RSPRY1: variants seen among roughly 807,000 people sequenced by gnomAD.
The protein encoded by RSPRY1 is ring finger and SPRY domain containing 1.
A neutral mutation model predicts 73.1 loss-of-function variants in RSPRY1; 23 were observed. The observed-to-expected ratio is 0.31, with a 90% CI of 0.23 to 0.45. RSPRY1 has a LOEUF of 0.45. Ranked by LOEUF, RSPRY1 falls within the 20% of genes least tolerant of loss-of-function variation. The pLI is 1.00. For synonymous variants in RSPRY1, 226 were observed against 251.4 expected (o/e 0.90, Z 0.95); for missense variants, 448 against 698.7 (o/e 0.64, Z 4.05).
At chr16:57,214,523 A>C (rs965042386) in intron 6 of RSPRY1, among the ~76,000 whole-genome samples, 3 of 152,184 alleles carry the variant, frequency 2.0e-5, no homozygotes, top group Admixed American at 6.5e-5. Flanking sequence ...GCCCTTTTCA[A>C]AACTCTGGTC....
chr16:57,207,702 T>C (rs2074753441), intron 2 of RSPRY1: 2 of 466,426 alleles, frequency 4.3e-6, no homozygotes, highest in Non-Finnish European at 4.3e-6. Flanking sequence ...ATGAAGGTGA[T>C]GTTGACCTTC....
intron 10 of RSPRY1, among the ~76,000 whole-genome samples, chr16:57,226,446 C>T (rs2075122802): frequency 6.6e-6 from 1 of 152,122 alleles, no homozygotes; most frequent in South Asian, 2.1e-4. Context: ...AGTTATTTCT[C>T]GATTATATGC....
At chr16:57,187,387 G>T (rs1390268132) in intron 1 of RSPRY1, among the ~76,000 whole-genome samples, 1 of 152,204 alleles carries the variant, frequency 6.6e-6, no homozygotes, top group East Asian at 1.9e-4. Flanking sequence ...AGTTCTCTGA[G>T]AGAGGTTGCT....
chr16:57,214,075 G>T, intron 6 of RSPRY1, 129 bp downstream of exon 6: 1 of 673,294 alleles, frequency 1.5e-6, no homozygotes, highest in Non-Finnish European at 2.7e-6. Context: ...AATTTTATTT[G>T]CAGGTGTTTC....
chr16:57,217,474 A>G (rs1462605534), intron 8 of RSPRY1, among the ~76,000 whole-genome samples: 4 of 152,136 alleles, frequency 2.6e-5, no homozygotes, highest in Non-Finnish European at 5.9e-5. Context: ...CATCATGAGA[A>G]TTGTTCCTGA....
rs142341064 is a variant in RSPRY1 at position 57,239,153 on chromosome 16, A to G, written c.*178A>G. ...CAAAATTCTCTTAGAATCTAATCCAACTTGCCAGCCCTGAGAAAATCCCTT... is the reference window on the plus strand; with the variant it reads ...CAAAATTCTCTTAGAATCTAATCCAGCTTGCCAGCCCTGAGAAAATCCCTT... On this transcript the variant is annotated 3_prime_UTR_variant, in exon 15 of 15. Coordinates refer to ENST00000394420, the MANE Select transcript of RSPRY1 (RefSeq NM_133368.3). 1.8e-4 allele frequency: 67 copies of G among 365,476 alleles called. No individual in the cohort carries two copies. In the Middle Eastern group the frequency reaches 3.0e-3, roughly 16 times the overall value. 22.6% of individuals were successfully genotyped at this position (365,476 alleles called of 1,614,324 possible).
At position 57,200,818 on chromosome 16, in the gene RSPRY1, G is replaced by A. The variant is rs539327288; in HGVS notation, c.-155-3686G>A. The stretch of plus-strand genomic sequence containing the variant: ...CCCCCCCCACATCCTTCCCGGACGG[G>A]GCGGCTGGCTGGGCAGAGGCGCCCC... On this transcript the variant is annotated intron_variant, in intron 1 of 14. Transcript: ENST00000394420. Among the ~76,000 whole-genome samples, 14 of 144,864 alleles carry A rather than the reference G, an allele frequency of 9.7e-5. No homozygotes were observed. In the South Asian group the frequency reaches 3.1e-3, roughly 32 times the overall value.
At chr16:57,211,772 G>A (rs1031381738) in intron 4 of RSPRY1, among the ~76,000 whole-genome samples, 14 of 150,028 alleles carry the variant, frequency 9.3e-5, no homozygotes, top group African/African-American at 3.5e-4. Flanking sequence ...TTAAGATGGA[G>A]TCTTGCTATG....
rs779867095 is a variant in RSPRY1 at position 57,213,097 on chromosome 16, A to T, written c.642A>T (p.Ala214=). The change falls in exon 5 of 15, where the codon GCA becomes GCT. Residue 214 remains alanine, a splice_region_variant and synonymous_variant. Transcript: ENST00000394420. ...AVLGCLAEKL[A]GPASIGLLSP... Reference sequence around the variant, plus strand: ...TAGGCTGCTTGGCCGAGAAACTAGCAGGTAACTTTGGGACACTCCACAGTG... The same window carrying T: ...TAGGCTGCTTGGCCGAGAAACTAGCTGGTAACTTTGGGACACTCCACAGTG... 1.2e-6 allele frequency: 2 copies of T among 1,611,816 alleles called. No homozygotes were observed. The highest frequency in any genetic ancestry group is 1.7e-6 in the Non-Finnish European group (2 of 1,178,852).
chr16:57,201,817 G>C (rs1403340299), intron 1 of RSPRY1, among the ~76,000 whole-genome samples: 1 of 152,242 alleles, frequency 6.6e-6, no homozygotes, highest in Admixed American at 6.5e-5. Flanking sequence ...AAACCAGTCA[G>C]GCGTGGCGGT....
At chr16:57,200,551 C>A (rs2074554448) in intron 1 of RSPRY1, among the ~76,000 whole-genome samples, 1 of 148,864 alleles carries the variant, frequency 6.7e-6, no homozygotes, top group South Asian at 2.1e-4. Context: ...TCCCTGCCTC[C>A]CTCCCGGATG....
chr16:57,225,740 TTA>T (rs1424785122), intron 10 of RSPRY1, among the ~76,000 whole-genome samples: 1 of 152,242 alleles, frequency 6.6e-6, no homozygotes, highest in African/African-American at 2.4e-5. Flanking sequence ...AGCCACCCTT[TTA>T]TTTTAACAGT....
Position 57,231,443 on chromosome 16 carries a change from C to A in RSPRY1, c.1529+124C>A, listed in dbSNP as rs557391754. The A allele has an allele frequency of 1.1e-3, 974 of 891,654 alleles. 5 individuals carry two copies. In the Middle Eastern group the frequency reaches 0.026, roughly 24 times the overall value. The allele number at this position is 891,654 out of a possible 1,614,324, so 55.2% of individuals were successfully genotyped here. ...TTGAAAACCTGAGTAAAATGGATGACTTTTCAGGAAATATAAATTTCTAAG... is the reference window on the plus strand; with the variant it reads ...TTGAAAACCTGAGTAAAATGGATGAATTTTCAGGAAATATAAATTTCTAAG... On this transcript the variant is annotated intron_variant, in intron 13 of 14. Transcript: ENST00000394420.
intron 14 of RSPRY1, among the ~76,000 whole-genome samples, chr16:57,236,169 A>G (rs1220982094): frequency 6.6e-6 from 1 of 152,200 alleles, no homozygotes; most frequent in African/African-American, 2.4e-5. Context: ...GCAGAGTTTA[A>G]AGGTTGGATA....
rs1362255032 is a variant in RSPRY1 at position 57,236,066 on chromosome 16, C to T, written c.1634+838C>T. Among the ~76,000 whole-genome samples the T allele has an allele frequency of 2.0e-5, 3 of 152,232 alleles. No homozygotes were observed. In the East Asian group the frequency reaches 5.8e-4, roughly 29 times the overall value. On this transcript the variant is annotated intron_variant, in intron 14 of 14. Coordinates refer to ENST00000394420, the MANE Select transcript of RSPRY1 (RefSeq NM_133368.3). ...TGAAAGAAAGGCACAGTGATTCCAG[C>T]TGTGATTAATCCTCCCTATTACTTC...
intron 1 of RSPRY1, among the ~76,000 whole-genome samples, chr16:57,192,707 T>C (rs1375975035): frequency 1.2e-4 from 17 of 146,792 alleles, no homozygotes; most frequent in Non-Finnish European, 2.2e-4. Flanking sequence ...TTCCAGAGAC[T>C]CTTTTTTTTT....
chr16:57,222,784 G>A (rs2075059660), intron 10 of RSPRY1, among the ~76,000 whole-genome samples: 1 of 152,082 alleles, frequency 6.6e-6, no homozygotes, highest in Admixed American at 6.6e-5. Context: ...GAAGTAATAG[G>A]GGATTCTTCC....
intron 4 of RSPRY1, among the ~76,000 whole-genome samples, chr16:57,210,117 C>T (rs570218862): frequency 2.0e-5 from 3 of 150,872 alleles, no homozygotes; most frequent in African/African-American, 4.9e-5. Context: ...TCCCCGGCCC[C>T]GCCTAGGCTA....
chr16:57,220,923 C>G, intron 9 of RSPRY1, 76 bp downstream of exon 9: 2 of 1,079,724 alleles, frequency 1.9e-6, no homozygotes, highest in East Asian at 5.0e-5. Context: ...AGCCAGTTGT[C>G]TTAGGGCTGG....
Sources: allele counts gnomAD v4.1 joint callset (sites outside exome capture counted in the v4.1 genomes callset), GRCh38; gene constraint gnomAD v4.1.1; transcripts MANE v1.5; gene names NCBI Gene and HGNC (gene_info 2026-07-23, HGNC 2026-07-21).